TTC21A: variants seen among roughly 807,000 people sequenced by gnomAD.
TTC21A encodes tetratricopeptide repeat domain 21A.
In TTC21A, 128 loss-of-function variants were observed where a neutral mutation model predicts 156.4. That is an observed-to-expected ratio of 0.82 (90% confidence interval 0.71 to 0.95). The LOEUF (loss-of-function observed/expected upper bound fraction) is 0.95. Among genes scored for constraint, TTC21A ranks in the 40% least tolerant of loss-of-function variants. TTC21A has a pLI of 0.00. For missense variants in TTC21A, 1,435 were observed against 1,602.3 expected, an observed-to-expected ratio of 0.90 and a Z score of 1.78; for synonymous variants, 587 against 617.1, an observed-to-expected ratio of 0.95 and a Z score of 0.72.
At chr3:39,138,208 G>A in intron 26 of TTC21A, 59 bp from the exon 27 acceptor site, 1 of 1,609,560 alleles carries the variant, frequency 6.2e-7, no homozygotes, top group Non-Finnish European at 8.5e-7. Flanking sequence ...TCCCACCCTG[G>A]CCCAGGGAAC....
chr3:39,107,826 G>T lies in TTC21A; in HGVS notation c.-12G>T, dbSNP rs778962212. The stretch of plus-strand genomic sequence containing the variant: ...CCACCAGACCCGGACTCGGAGCCGC[G>T]AGCGGCCCGAGATGAGCAGCAATGA... On this transcript the variant is annotated 5_prime_UTR_variant, in exon 1 of 29. Transcript: ENST00000683103. 2 of 1,612,564 alleles carry T rather than the reference G, an allele frequency of 1.2e-6. No individual in the cohort carries two copies. The highest frequency in any genetic ancestry group is 2.2e-5 in the South Asian group (2 of 91,072).
intron 4 of TTC21A, among the ~76,000 whole-genome samples, chr3:39,111,645 A>T (rs939331633): frequency 6.6e-6 from 1 of 151,980 alleles, no homozygotes; most frequent in Non-Finnish European, 1.5e-5. Context: ...TCCCTGGGGG[A>T]GAGGGTGAAA....
In TTC21A at chr3:39,112,475, C is replaced by T. The variant is rs1174730513; in HGVS notation, c.453C>T (p.Gly151=). ...CATCCCAGGCCTATGTGCTCAGAGG[C>T]TGGGTGGACCTGACCTCAGACAAGC... The part of the protein sequence containing the change: ...RGFREAYVLR[G]WVDLTSDKPH... Residue 151 remains glycine (G), a synonymous_variant, in exon 5 of 29, where the codon GGC becomes GGT. Coordinates refer to ENST00000683103, the MANE Select transcript of TTC21A (RefSeq NM_001366900.1). 3 of 1,614,060 alleles carry T rather than the reference C, an allele frequency of 1.9e-6. No individual in the cohort carries two copies. In the African/African-American group the frequency reaches 4.0e-5, roughly 22 times the overall value.
At chr3:39,120,861 C>G in intron 8 of TTC21A, 136 bp from the exon 9 acceptor site, 2 of 718,518 alleles carry the variant, frequency 2.8e-6, no homozygotes, top group Non-Finnish European at 4.5e-6. Context: ...ACCCAGCTGC[C>G]TAGACACACG....
In TTC21A at chr3:39,114,709, A is replaced by G; in HGVS notation, c.683A>G (p.Gln228Arg). Reference protein sequence around the residue: ...VLKMQLFLARQDWEQTVEMGH... With the variant: ...VLKMQLFLARRDWEQTVEMGH... ...AAGATGCAGCTGTTCTTAGCTCGGC[A>G]GGACTGGGAGCAGACAGTAGAAATG... The change falls in exon 6 of 29, where the codon CAG becomes CGG. Residue 228 changes from glutamine (Q) to arginine (R), a missense_variant. Physicochemically the swap from Gln to Arg is conservative, Grantham distance 43 (BLOSUM62 1). Coordinates refer to ENST00000683103, the MANE Select transcript of TTC21A (RefSeq NM_001366900.1). 1 of 1,614,238 alleles carries G rather than the reference A, an allele frequency of 6.2e-7. No individual in the cohort carries two copies. Among genetic ancestry groups the G allele is most frequent in the Non-Finnish European group, 8.5e-7 (1 of 1,180,038 alleles).
At chr3:39,120,310 C>A (rs541569247) in intron 8 of TTC21A, among the ~76,000 whole-genome samples, 1 of 152,138 alleles carries the variant, frequency 6.6e-6, no homozygotes, top group Non-Finnish European at 1.5e-5. Context: ...TTGGGGAAAG[C>A]GGGTGGTATT....
Position 39,137,602 on chromosome 3 carries a change from G to A in TTC21A, c.3567G>A (p.Glu1189=). The change falls in exon 26 of 29, where the codon GAG becomes GAA. Residue 1189 remains glutamate (E), a synonymous_variant. Transcript: ENST00000683103. ...CCAAGACCCCCTGGGTGCTGAGTGA[G>A]GCTGAGGACCTGGAGAAGAGCTGGC... is the stretch of plus-strand genomic sequence containing the variant. ...RLAKTPWVLS[E]AEDLEKSWLL... 6.2e-7 allele frequency: 1 copy of A among 1,614,240 alleles called. No homozygotes were observed. The highest frequency in any genetic ancestry group is 8.5e-7 in the Non-Finnish European group (1 of 1,180,022).
Position 39,130,853 on chromosome 3 carries a change from G to A in TTC21A, c.2458+14G>A. On this transcript the variant is annotated intron_variant, in intron 18 of 28. Transcript: ENST00000683103. The surrounding 1 kb of genome is among the most constrained non-coding windows in gnomAD (Gnocchi z 4.5). ...AACATGACATTGGTGAGGCAGCATT[G>A]TAACCCATTTCTAGCATTTGGAGCA... 1 of 1,614,084 alleles carries A rather than the reference G, an allele frequency of 6.2e-7. No individual in the cohort carries two copies. Among genetic ancestry groups the A allele is most frequent in the Non-Finnish European group, 8.5e-7 (1 of 1,179,964 alleles).
In TTC21A at chr3:39,133,053, C is replaced by G. The variant is rs1203805946; in HGVS notation, c.2564C>G (p.Ala855Gly). ...KEAVIETLNK[A>G]LDLQSRILKR... ...TCCTGGCTTGATTGGTTTCTCGAGG[C>G]CTTGGACCTCCAGTCTCGGATACTG... is the stretch of plus-strand genomic sequence containing the variant. Residue 855 changes from alanine to glycine, a missense_variant and splice_region_variant, in exon 20 of 29, where the codon GCC (alanine) becomes GGC (glycine). By Grantham distance (60) the Ala-to-Gly change is moderately conservative (BLOSUM62 0). Coordinates refer to ENST00000683103, the MANE Select transcript of TTC21A (RefSeq NM_001366900.1). The G allele has an allele frequency of 6.2e-7, 1 of 1,613,992 alleles. No individual in the cohort carries two copies. Among genetic ancestry groups the G allele is most frequent in the Admixed American group, 1.7e-5 (1 of 60,002 alleles).
Position 39,137,919 on chromosome 3 carries a change from G to A in TTC21A, c.3675+209G>A, listed in dbSNP as rs1007918150. On this transcript the variant is annotated intron_variant, in intron 26 of 28. Transcript: ENST00000683103. ...AGGTGAGAGGAGGTGCACAGGGGTCGTGTTATGTCCAGAGGAGGGAACACT... is the reference window on the plus strand; with the variant it reads ...AGGTGAGAGGAGGTGCACAGGGGTCATGTTATGTCCAGAGGAGGGAACACT... The A allele has an allele frequency of 4.3e-5, 27 of 631,414 alleles. No individual in the cohort carries two copies. In the Middle Eastern group the frequency reaches 1.3e-3, roughly 30 times the overall value. The allele number at this position is 631,414 out of a possible 1,614,324, so 39.1% of individuals were successfully genotyped here.
At chr3:39,126,197 G>A in intron 11 of TTC21A, 64 bp from the exon 12 acceptor site, 1 of 1,586,274 alleles carries the variant, frequency 6.3e-7, no homozygotes, top group Non-Finnish European at 8.6e-7. Context: ...TTTTCTGAGA[G>A]CTCCAGGAGT....
rs1341711085 is a variant in TTC21A, at chr3:39,110,834, C to A, written c.269-17C>A. ...CACATCCTAACTCTCCCTCTTCCTT[C>A]GCTCTTGGATTTACAGACCGAGAAG... On this transcript the variant is annotated splice_polypyrimidine_tract_variant and intron_variant, in intron 3 of 28. Coordinates refer to ENST00000683103, the MANE Select transcript of TTC21A (RefSeq NM_001366900.1). 6.2e-7 allele frequency: 1 copy of A among 1,613,166 alleles called. No individual in the cohort carries two copies. The highest frequency in any genetic ancestry group is 8.5e-7 in the Non-Finnish European group (1 of 1,179,896).
At chr3:39,120,948 C>T in intron 8 of TTC21A, 49 bp from the exon 9 acceptor site, 1 of 1,509,932 alleles carries the variant, frequency 6.6e-7, no homozygotes, top group South Asian at 1.3e-5. Context: ...CTTGCTCATA[C>T]AGGCTGGACT....
At chr3:39,108,166 C>A in intron 1 of TTC21A, 1 of 566,760 alleles carries the variant, frequency 1.8e-6, no homozygotes, top group Non-Finnish European at 3.1e-6. Context: ...CTGCGCCTCC[C>A]ACCCCAGTTG....
chr3:39,125,252 T>C (rs2669852), intron 10 of TTC21A, 80 bp from the exon 11 acceptor site: 1,544,685 of 1,546,230 alleles, frequency 1, 771,583 homozygotes, highest in East Asian at 1. Context: ...TGCAAGGTGG[T>C]CTGGACCTTC....
intron 9 of TTC21A, among the ~76,000 whole-genome samples, chr3:39,124,732 A>G (rs2038077561): frequency 6.6e-6 from 1 of 150,880 alleles, no homozygotes; most frequent in Non-Finnish European, 1.5e-5. Context: ...GTGTGTTTTT[A>G]AACCCATTGG....
intron 15 of TTC21A, among the ~76,000 whole-genome samples, chr3:39,129,646 C>T (rs901545331): frequency 6.6e-5 from 10 of 152,224 alleles, no homozygotes; most frequent in Admixed American, 2.6e-4. Flanking sequence ...TTGGGACCTC[C>T]AAGGTGCCTT....
Position 39,107,945 on chromosome 3 carries a change from C to T in TTC21A, c.27+81C>T, listed in dbSNP as rs2036366349. The stretch of plus-strand genomic sequence containing the variant: ...AGAGACCGTCTGCCCTGCTACTCTC[C>T]TGCCACCCTTCGCTGTCCTCAGTTA... On this transcript the variant is annotated intron_variant, in intron 1 of 28. Transcript: ENST00000683103. 1.2e-5 allele frequency: 19 copies of T among 1,542,090 alleles called. 1 individual carries two copies. The South Asian group carries it at 2.0e-4, about 16-fold the overall frequency.
chr3:39,128,875 C>A lies in TTC21A; in HGVS notation c.1839C>A (p.Ser613Arg). The A allele has an allele frequency of 6.2e-7, 1 of 1,614,182 alleles. No homozygotes were observed. Among genetic ancestry groups the A allele is most frequent in the Non-Finnish European group, 8.5e-7 (1 of 1,180,022 alleles). The change falls in exon 14 of 29, where the codon AGC (serine) becomes AGA (arginine). Residue 613 changes from serine (S) to arginine (R), a missense_variant. Coordinates refer to ENST00000683103, the MANE Select transcript of TTC21A (RefSeq NM_001366900.1). ...RKFLRPSVQP[S>R]QRASILLELV... ...TCCTCAGGCCCTCTGTGCAGCCTAG[C>A]CAGCGGGCATCCATCTTATTGGAAC...
Sources: allele counts gnomAD v4.1 joint callset (sites outside exome capture counted in the v4.1 genomes callset), GRCh38; gene constraint gnomAD v4.1.1; non-coding constraint Gnocchi (gnomAD v3.1); transcripts MANE v1.5; gene names NCBI Gene and HGNC (gene_info 2026-07-23, HGNC 2026-07-21).